Variants in DNAJC24 observed in about 807,000 individuals in gnomAD.
DNAJC24 encodes the protein dnaJ homolog subfamily C member 24.
DNAJC24 carries 17 observed loss-of-function variants against 18.0 expected under a neutral mutation model. The ratio of observed to expected loss-of-function variants is 0.94; its 90% CI spans 0.65 to 1.42. The LOEUF is 1.42. DNAJC24 is among the 40% of genes most tolerant of loss of function. DNAJC24 has a pLI of 0.00. For missense variants in DNAJC24, 158 were observed against 175.6 expected (o/e 0.90, Z 0.57); for synonymous variants, 55 against 57.7 (o/e 0.95, Z 0.21).
At chr11:31,397,448 A>G (rs1952552353) in intron 2 of DNAJC24, among the ~76,000 whole-genome samples, 2 of 151,302 alleles carry the variant, frequency 1.3e-5, no homozygotes, top group Admixed American at 6.6e-5. Context: ...AGGTGGCAGT[A>G]GTGTGTTGTA....
At chr11:31,413,326 CTTTT>C (rs1226979464) in intron 2 of DNAJC24, among the ~76,000 whole-genome samples, 1 of 126,370 alleles carries the variant, frequency 7.9e-6, no homozygotes, top group Non-Finnish European at 1.7e-5. Context: ...TAAATACTAT[CTTTT>C]TTTTTTTTTT....
chr11:31,410,064 A>G (rs1343183788), intron 2 of DNAJC24, among the ~76,000 whole-genome samples: 1 of 54 alleles, frequency 0.019, no homozygotes, highest in African/African-American at 0.056. Flanking sequence ...TTGTATTTTT[A>G]GTAAAACTGG....
intron 2 of DNAJC24, among the ~76,000 whole-genome samples, chr11:31,397,808 C>CTTTTTTTTTTTTTTTTTTTTTTTTTTTTT (rs113510980): frequency 6.9e-6 from 1 of 144,246 alleles, no homozygotes; most frequent in African/African-American, 2.5e-5. Flanking sequence ...ATATGTGTTT[C>CTTTTTTTTTTTTTTTTTTTTTTTTTTTTT]TTTTTTTTTT....
chr11:31,393,524 C>T (rs1952517924), intron 2 of DNAJC24, among the ~76,000 whole-genome samples: 1 of 152,048 alleles, frequency 6.6e-6, no homozygotes, highest in Non-Finnish European at 1.5e-5. Flanking sequence ...AGGATTGGGG[C>T]CATTAGAAAA....
rs530600711 is a variant in DNAJC24 at position 31,383,827 on chromosome 11, CT to C, written c.111+12969del. 3.3e-5 allele frequency among the ~76,000 whole-genome samples: 5 copies of C among 152,366 alleles called. No homozygotes were observed. The East Asian group carries it at 9.6e-4, about 29-fold the overall frequency. On this transcript the variant is annotated intron_variant, in intron 2 of 4. Transcript: ENST00000465995. ...AACAGAATGTATCTCCTCTGCACAG[CT>C]AGGTGTGGGACTCCGTTTCAGCTTT...
chr11:31,399,761 T>A (rs973280969), intron 2 of DNAJC24, among the ~76,000 whole-genome samples: 1 of 126,408 alleles, frequency 7.9e-6, no homozygotes, highest in African/African-American at 3.1e-5. Flanking sequence ...TTTTTTTTTT[T>A]ACTTCAAGCT....
intron 2 of DNAJC24, among the ~76,000 whole-genome samples, chr11:31,371,251 C>A (rs1412327160): frequency 3.9e-5 from 6 of 152,138 alleles, no homozygotes; most frequent in African/African-American, 1.4e-4. Flanking sequence ...TGTGGCTAGC[C>A]TGACTTGAGA....
chr11:31,429,518 G>T, intron 4 of DNAJC24: 1 of 391,632 alleles, frequency 2.6e-6, no homozygotes. Context: ...AATGACCAAT[G>T]GATCAGAGAT....
chr11:31,391,718 G>T (rs1175993303), intron 2 of DNAJC24, among the ~76,000 whole-genome samples: 1 of 152,102 alleles, frequency 6.6e-6, no homozygotes, highest in African/African-American at 2.4e-5. Context: ...ACTTAAAGTA[G>T]AACCACCATA....
chr11:31,417,693 A>G (rs1952763313), intron 3 of DNAJC24, among the ~76,000 whole-genome samples: 1 of 152,072 alleles, frequency 6.6e-6, no homozygotes. Flanking sequence ...CTTGCAGTAT[A>G]AAATAAAATT....
intron 4 of DNAJC24, chr11:31,427,790 C>A (rs1952877361): frequency 1.3e-5 from 2 of 150,228 alleles, no homozygotes; most frequent in African/African-American, 2.4e-5. Context: ...TTTTTTTTTA[C>A]CTTTTAAATA....
chr11:31,381,135 T>C (rs1292775819), intron 2 of DNAJC24, among the ~76,000 whole-genome samples: 5 of 152,200 alleles, frequency 3.3e-5, no homozygotes, highest in Admixed American at 6.5e-5. Flanking sequence ...TTGTAAGGTA[T>C]ACATAAAATC....
chr11:31,383,000 C>T (rs994980856), intron 2 of DNAJC24, among the ~76,000 whole-genome samples: 5 of 152,102 alleles, frequency 3.3e-5, no homozygotes, highest in Admixed American at 3.3e-4. Context: ...TTTACATACT[C>T]ATTACAAAGG....
At chr11:31,408,234 G>C (rs887710313) in intron 2 of DNAJC24, 3 of 455,744 alleles carry the variant, frequency 6.6e-6, no homozygotes, top group Non-Finnish European at 8.8e-6. Context: ...AAGCAGTCAA[G>C]GCAAACAGTG....
At chr11:31,421,527 T>G (rs1343356751) in intron 3 of DNAJC24, among the ~76,000 whole-genome samples, 12 of 152,222 alleles carry the variant, frequency 7.9e-5, no homozygotes, top group Admixed American at 7.8e-4. Context: ...CTTGATCTTT[T>G]GGCCAGATGG....
chr11:31,405,242 G>A (rs906669286), intron 2 of DNAJC24, among the ~76,000 whole-genome samples: 3 of 151,466 alleles, frequency 2.0e-5, no homozygotes, highest in Non-Finnish European at 4.4e-5. Flanking sequence ...GCTAATTTTT[G>A]TATTTTTAGT....
intron 3 of DNAJC24, among the ~76,000 whole-genome samples, chr11:31,423,266 GT>G (rs1952826526): frequency 6.6e-6 from 1 of 152,146 alleles, no homozygotes; most frequent in East Asian, 1.9e-4. Flanking sequence ...TTTTGTTTTT[GT>G]TTTTTGTTTT....
intron 2 of DNAJC24, among the ~76,000 whole-genome samples, chr11:31,402,811 C>T (rs1952613004): frequency 6.6e-6 from 1 of 152,130 alleles, no homozygotes; most frequent in Non-Finnish European, 1.5e-5. Flanking sequence ...CACCTGGTTC[C>T]ACTTTATAAA....
At chr11:31,417,359 T>C (rs1952759559) in intron 3 of DNAJC24, 4 of 152,150 alleles carry the variant, frequency 2.6e-5, no homozygotes, top group Non-Finnish European at 5.9e-5. Flanking sequence ...AATACCGTTA[T>C]TAATTTTTTC....
Sources: gnomAD v4.1 joint callset for allele counts (sites outside exome capture counted in the v4.1 genomes callset) on GRCh38, gnomAD v4.1.1 for gene constraint, MANE v1.5 for transcripts, NCBI Gene and HGNC (gene_info 2026-07-23, HGNC 2026-07-21) for gene names.